Variants in MINPP1 observed in about 807,000 individuals in gnomAD.
MINPP1 encodes multiple inositol polyphosphate phosphatase 1.
In MINPP1, 28 loss-of-function variants were observed where a neutral mutation model predicts 46.1. The ratio of observed to expected loss-of-function variants is 0.61; its 90% CI spans 0.45 to 0.83. The LOEUF is 0.83. Ranked by LOEUF, MINPP1 falls within the 40% of genes least tolerant of loss-of-function variation. The pLI, the probability that MINPP1 is intolerant of heterozygous loss-of-function variation, is 0.00. For missense variants in MINPP1, 603 were observed against 610.0 expected (o/e 0.99, Z 0.12); for synonymous variants, 268 against 249.1 (o/e 1.08, Z -0.72).
At chr10:87,528,810 G>A (rs1401071582) in intron 4 of MINPP1, among the ~76,000 whole-genome samples, 4 of 152,158 alleles carry the variant, frequency 2.6e-5, no homozygotes. Context: ...ACAGTGGGGT[G>A]TTAAAGTCTC....
chr10:87,514,169 A>T (rs1851377179), intron 3 of MINPP1, among the ~76,000 whole-genome samples: 1 of 152,144 alleles, frequency 6.6e-6, no homozygotes, highest in African/African-American at 2.4e-5. Flanking sequence ...AGGGATTAGA[A>T]TGTGGACATA....
Position 87,528,872 on chromosome 10 carries a change from G to A in MINPP1, c.1067+7703G>A, listed in dbSNP as rs2131823595. Among the ~76,000 whole-genome samples, 2 of 152,304 alleles carry A rather than the reference G, an allele frequency of 1.3e-5. 1 individual carries two copies. The highest frequency in any genetic ancestry group is 4.2e-4 in the South Asian group (2 of 4,818). ...TCTCTTTGTAGGTCTCTAAGGACTT[G>A]CTTTATGAATCTGGGTGCTCGTGTA... On this transcript the variant is annotated intron_variant, in intron 4 of 4. Coordinates refer to ENST00000371996, the MANE Select transcript of MINPP1 (RefSeq NM_004897.5).
intron 4 of MINPP1, among the ~76,000 whole-genome samples, chr10:87,544,385 C>T (rs1336698053): frequency 6.6e-6 from 1 of 152,232 alleles, no homozygotes; most frequent in Non-Finnish European, 1.5e-5. Flanking sequence ...ACCCTGTCCT[C>T]TTGGGTTCTT....
Position 87,521,020 on chromosome 10 carries a change from T to C in MINPP1, c.934-16T>C. 1 of 881,608 alleles carries C rather than the reference T, an allele frequency of 1.1e-6. No homozygotes were observed. Among genetic ancestry groups the C allele is most frequent in the Non-Finnish European group, 1.8e-6 (1 of 547,320 alleles). 54.6% of individuals were successfully genotyped at this position (881,608 alleles called of 1,614,324 possible). The stretch of plus-strand genomic sequence containing the variant: ...TTTTTGAAAATATATTAGAAATTAT[T>C]TTTGAATTTTTTTAGGTATTAGAAT... On this transcript the variant is annotated splice_polypyrimidine_tract_variant and intron_variant, in intron 3 of 4. Coordinates refer to ENST00000371996, the MANE Select transcript of MINPP1 (RefSeq NM_004897.5).
intron 4 of MINPP1, among the ~76,000 whole-genome samples, chr10:87,526,636 A>G (rs918433090): frequency 1.3e-5 from 2 of 152,180 alleles, no homozygotes; most frequent in Non-Finnish European, 2.9e-5. Context: ...TATGTCCTGA[A>G]TAGTACTGCC....
chr10:87,538,108 AT>A (rs35833684), intron 4 of MINPP1, among the ~76,000 whole-genome samples: 1,637 of 142,812 alleles, frequency 0.011, 21 homozygotes, highest in African/African-American at 0.037. Flanking sequence ...AGCTCTGCTA[AT>A]TTTTTTTTTT....
rs773868427 is a variant in MINPP1, at chr10:87,504,900, A to G, written c.-16A>G. 106 of 1,608,154 alleles carry G rather than the reference A, an allele frequency of 6.6e-5. 2 individuals are homozygous for G. The East Asian group carries it at 2.2e-3, about 33-fold the overall frequency. On this transcript the variant is annotated 5_prime_UTR_variant, in exon 1 of 5. Transcript: ENST00000371996. ...ATCTGCAGCTGGCTCGGCGCACTCC[A>G]CTGACCGTCCCGACGATGCTACGCG...
At chr10:87,535,177 G>A (rs1851715739) in intron 4 of MINPP1, among the ~76,000 whole-genome samples, 1 of 152,236 alleles carries the variant, frequency 6.6e-6, no homozygotes. Flanking sequence ...ACACTGTAGT[G>A]TAATGGAATT....
intron 4 of MINPP1, among the ~76,000 whole-genome samples, chr10:87,542,315 CT>C (rs1299050608): frequency 1.5e-5 from 2 of 129,878 alleles, no homozygotes; most frequent in Non-Finnish European, 3.6e-5. Context: ...CTCTCTCTCT[CT>C]CTTTTTTTTT....
In MINPP1 at chr10:87,505,279, A is replaced by G. The variant is rs1402306133; in HGVS notation, c.364A>G (p.Thr122Ala). The G allele has an allele frequency of 3.1e-6, 5 of 1,610,536 alleles. No homozygotes were observed. Among genetic ancestry groups the G allele is most frequent in the Non-Finnish European group, 4.2e-6 (5 of 1,177,856 alleles). The change falls in exon 1 of 5, where the codon ACC becomes GCC. Residue 122 changes from threonine (T) to alanine (A), a missense_variant. Physicochemically the swap from Thr to Ala is moderately conservative, Grantham distance 58. Transcript: ENST00000371996. The surrounding 1 kb of genome is among the most constrained non-coding windows in gnomAD (Gnocchi z 4.4). ...GTCCAGGGATGGCGGGGCTAGTAGT[A>G]CCGGCAGCCGCGACCTGGGTGCAGC... Reference protein sequence around the residue: ...RGSRDGGASSTGSRDLGAALA... With the variant: ...RGSRDGGASSAGSRDLGAALA...
chr10:87,505,722 T>G lies in MINPP1; in HGVS notation c.637+170T>G, dbSNP rs1032806933. Reference sequence around the variant, plus strand: ...TCCCTGTCGAGGGATATTACAGACTTGGCTATCTCTTTTTCCCCTTACACG... The same window carrying G: ...TCCCTGTCGAGGGATATTACAGACTGGGCTATCTCTTTTTCCCCTTACACG... On this transcript the variant is annotated intron_variant, in intron 1 of 4. Coordinates refer to ENST00000371996, the MANE Select transcript of MINPP1 (RefSeq NM_004897.5). The surrounding 1 kb of genome is among the most constrained non-coding windows in gnomAD (Gnocchi z 4.4). Among the ~76,000 whole-genome samples, 6 of 152,200 alleles carry G rather than the reference T, an allele frequency of 3.9e-5. No homozygotes were observed. The highest frequency in any genetic ancestry group is 8.8e-5 in the Non-Finnish European group (6 of 68,036).
chr10:87,534,661 A>G (rs970779477), intron 4 of MINPP1, among the ~76,000 whole-genome samples: 2 of 152,228 alleles, frequency 1.3e-5, no homozygotes, highest in African/African-American at 4.8e-5. Flanking sequence ...CCCCAACAGT[A>G]GAACCGGAAG....
chr10:87,521,945 A>C (rs930628349), intron 4 of MINPP1, among the ~76,000 whole-genome samples: 3 of 152,228 alleles, frequency 2.0e-5, no homozygotes, highest in Non-Finnish European at 2.9e-5. Context: ...TTGGTCTCCC[A>C]AAGTGTTGGG....
intron 4 of MINPP1, among the ~76,000 whole-genome samples, chr10:87,543,562 G>C (rs1028971989): frequency 6.6e-6 from 1 of 152,194 alleles, no homozygotes; most frequent in Non-Finnish European, 1.5e-5. Context: ...GCAGAGGCGG[G>C]AGGACTGTTT....
At chr10:87,515,114 T>G (rs1196935695) in intron 3 of MINPP1, among the ~76,000 whole-genome samples, 1 of 151,794 alleles carries the variant, frequency 6.6e-6, no homozygotes, top group East Asian at 2.0e-4. Context: ...TGGCCGGGCG[T>G]GGTGGTTCAT....
intron 3 of MINPP1, among the ~76,000 whole-genome samples, chr10:87,515,755 T>G (rs1851403815): frequency 6.6e-6 from 1 of 152,090 alleles, no homozygotes; most frequent in South Asian, 2.1e-4. Context: ...TGAAGTTGGA[T>G]GAGTACACAG....
Position 87,505,533 on chromosome 10 carries a change from G to T in MINPP1, c.618G>T (p.Leu206Phe). 1 of 1,608,282 alleles carries T rather than the reference G, an allele frequency of 6.2e-7. No homozygotes were observed. Among genetic ancestry groups the T allele is most frequent in the East Asian group, 2.2e-5 (1 of 44,806 alleles). Residue 206 changes from leucine (L) to phenylalanine (F), a missense_variant, in exon 1 of 5, where the codon TTG becomes TTT. Leu to Phe is a conservative substitution (Grantham distance 22). Around this residue, in one of 3 missense-constraint regions of MINPP1, gnomAD observed 344 missense variants for 381.1 expected, o/e 0.90. Coordinates refer to ENST00000371996, the MANE Select transcript of MINPP1 (RefSeq NM_004897.5). The surrounding 1 kb of genome is among the most constrained non-coding windows in gnomAD (Gnocchi z 4.4). ...QGLWQHYHPGLPPPDVADMEF... is the reference protein window; with the variant it reads ...QGLWQHYHPGFPPPDVADMEF... ...TGTGGCAGCACTACCACCCTGGCTTGCCGCCGCCGGACGTCGCAGGTGACC... is the reference window on the plus strand; with the variant it reads ...TGTGGCAGCACTACCACCCTGGCTTTCCGCCGCCGGACGTCGCAGGTGACC...
intron 3 of MINPP1, 98 bp downstream of exon 3, chr10:87,513,319 AGT>A (rs1371574790): frequency 1.2e-6 from 1 of 803,276 alleles, no homozygotes; most frequent in Non-Finnish European, 2.1e-6. Flanking sequence ...TCAGAAAATG[AGT>A]AGTTAGGGAA....
At position 87,552,548 on chromosome 10, in the gene MINPP1, A is replaced by G; in HGVS notation, c.*70A>G. 3.4e-6 allele frequency: 5 copies of G among 1,459,092 alleles called. No homozygotes were observed. Among genetic ancestry groups the G allele is most frequent in the African/African-American group, 1.4e-5 (1 of 71,976 alleles). 90.4% of individuals were successfully genotyped at this position (1,459,092 alleles called of 1,614,324 possible). A position where few individuals can be genotyped will look rare whatever the true frequency, so the allele number is the denominator to read the frequency against. On this transcript the variant is annotated 3_prime_UTR_variant, in exon 5 of 5. Transcript: ENST00000371996. Reference sequence around the variant, plus strand: ...GATTACATGCTTGTAATAGGTAGGCAATTCCTTGATTACAGGAAGCTTTTA... The same window carrying G: ...GATTACATGCTTGTAATAGGTAGGCGATTCCTTGATTACAGGAAGCTTTTA...
Sources: allele counts gnomAD v4.1 joint callset (sites outside exome capture counted in the v4.1 genomes callset), GRCh38; gene constraint gnomAD v4.1.1; regional missense constraint gnomAD v4.1.1; non-coding constraint Gnocchi (gnomAD v3.1); transcripts MANE v1.5; gene names NCBI Gene and HGNC (gene_info 2026-07-23, HGNC 2026-07-21).